The following DDHD1 variants were observed in gnomAD, a reference collection of about 807,000 sequenced individuals.
DDHD1 encodes the protein phospholipase DDHD1.
In DDHD1, 49 loss-of-function variants were observed where a neutral mutation model predicts 96.4. The observed-to-expected ratio is 0.51, with a 90% confidence interval of 0.40 to 0.64. The LOEUF (loss-of-function observed/expected upper bound fraction) is 0.64, where lower values mean the gene tolerates loss of function less well. Ranked by LOEUF, DDHD1 falls within the 30% of genes least tolerant of loss-of-function variation. The pLI is 0.00. For missense variants in DDHD1, 1,106 were observed against 1,161.2 expected (o/e 0.95, Z 0.69); for synonymous variants, 442 against 446.5 (o/e 0.99, Z 0.13).
At position 53,046,535 on chromosome 14, in the gene DDHD1, T is replaced by C. The variant is rs1882020230; in HGVS notation, c.*233A>G. 3.3e-6 allele frequency: 1 copy of C among 306,468 alleles called. No homozygotes were observed. Among genetic ancestry groups the C allele is most frequent in the Non-Finnish European group, 6.0e-6 (1 of 167,174 alleles). The allele number at this position is 306,468 out of a possible 1,614,324, so 19.0% of individuals were successfully genotyped here. ...TCTTCACATCCAGGTCTTGCTTGAT[T>C]CTCTGGAGAAGGTTTTGTCAGACTC... On this transcript the variant is annotated 3_prime_UTR_variant, in exon 13 of 13. Transcript: ENST00000673822.
intron 6 of DDHD1, among the ~76,000 whole-genome samples, chr14:53,069,492 T>C (rs1884330703): frequency 6.6e-6 from 1 of 152,198 alleles, no homozygotes; most frequent in Non-Finnish European, 1.5e-5. Context: ...GCATATCTGT[T>C]TAGACACAAT....
intron 1 of DDHD1, among the ~76,000 whole-genome samples, chr14:53,115,284 T>C (rs1473941077): frequency 6.6e-6 from 1 of 151,428 alleles, no homozygotes; most frequent in Non-Finnish European, 1.5e-5. Context: ...GAGAATGAAG[T>C]CAAGTTGGAA....
In DDHD1 at chr14:53,152,598, C is replaced by T. The variant is rs769368061; in HGVS notation, c.501G>A (p.Glu167=). The change falls in exon 1 of 13, where the codon GAG becomes GAA. Residue 167 remains glutamate, a synonymous_variant. Transcript: ENST00000673822. Reference sequence around the variant, plus strand: ...TGTCCTCCTTGTAGAACCAGCGTACCTCCTCCGGGCCCAGCTCCGTCACTA... The same window carrying T: ...TGTCCTCCTTGTAGAACCAGCGTACTTCCTCCGGGCCCAGCTCCGTCACTA... The part of the protein sequence containing the change: ...YEVVTELGPE[E]VRWFYKEDKK... The T allele has an allele frequency of 3.1e-6, 5 of 1,613,680 alleles. No individual in the cohort carries two copies. In the African/African-American group the frequency reaches 6.7e-5, roughly 22 times the overall value.
At chr14:53,090,890 T>C (rs1886377601) in intron 4 of DDHD1, among the ~76,000 whole-genome samples, 1 of 152,076 alleles carries the variant, frequency 6.6e-6, no homozygotes, top group Non-Finnish European at 1.5e-5. Context: ...AAAAGTTGAA[T>C]TGTATTTTAA....
chr14:53,149,576 C>A (rs924050875), intron 1 of DDHD1, among the ~76,000 whole-genome samples: 3 of 152,164 alleles, frequency 2.0e-5, no homozygotes, highest in Admixed American at 1.3e-4. Context: ...TGGCAAATTA[C>A]AGGATAGACA....
chr14:53,147,372 T>G (rs1490682719), intron 1 of DDHD1, among the ~76,000 whole-genome samples: 1 of 152,152 alleles, frequency 6.6e-6, no homozygotes, highest in Non-Finnish European at 1.5e-5. Context: ...CCAGAGGTGG[T>G]TGACAGGGGT....
At chr14:53,116,882 T>C (rs1363438783) in intron 1 of DDHD1, among the ~76,000 whole-genome samples, 6 of 151,820 alleles carry the variant, frequency 4.0e-5, no homozygotes, top group Non-Finnish European at 2.9e-5. Context: ...CTAAAGGAGA[T>C]AGAGGACACA....
intron 6 of DDHD1, 31 bp from the exon 7 acceptor site, chr14:53,063,236 A>G: frequency 6.2e-7 from 1 of 1,601,656 alleles, no homozygotes; most frequent in Non-Finnish European, 8.5e-7. Context: ...TTATCATATT[A>G]GACTTGTCAC....
At chr14:53,055,615 G>A in intron 10 of DDHD1, 45 bp downstream of exon 10, 1 of 1,584,804 alleles carries the variant, frequency 6.3e-7, no homozygotes. Context: ...TTATGTCTAG[G>A]AAAGTGCTTA....
chr14:53,129,011 C>T (rs1041274465), intron 1 of DDHD1, among the ~76,000 whole-genome samples: 1 of 152,224 alleles, frequency 6.6e-6, no homozygotes, highest in Non-Finnish European at 1.5e-5. Flanking sequence ...GTGAGATCCA[C>T]CCCTGGCCCA....
chr14:53,075,177 T>C (rs1017179645), intron 4 of DDHD1, among the ~76,000 whole-genome samples: 3 of 152,208 alleles, frequency 2.0e-5, no homozygotes, highest in South Asian at 2.1e-4. Context: ...CCAGAAATGA[T>C]TGAGCTTAGT....
At chr14:53,075,746 G>A (rs939562335) in intron 4 of DDHD1, among the ~76,000 whole-genome samples, 1 of 152,170 alleles carries the variant, frequency 6.6e-6, no homozygotes, top group African/African-American at 2.4e-5. Flanking sequence ...AAGAGCTAAT[G>A]CAGCTGGTAA....
chr14:53,149,502 G>C (rs1338941600), intron 1 of DDHD1, among the ~76,000 whole-genome samples: 2 of 152,162 alleles, frequency 1.3e-5, no homozygotes, highest in Non-Finnish European at 2.9e-5. Context: ...CTCCTAGAAA[G>C]TGTGAAAACT....
intron 2 of DDHD1, chr14:53,103,145 T>C: frequency 8.0e-7 from 1 of 1,254,962 alleles, no homozygotes; most frequent in Non-Finnish European, 1.1e-6. Context: ...TGTGGCAATC[T>C]TAGCTACTAT....
chr14:53,086,402 G>A (rs1057091560), intron 4 of DDHD1, among the ~76,000 whole-genome samples: 2 of 152,210 alleles, frequency 1.3e-5, no homozygotes, highest in African/African-American at 4.8e-5. Flanking sequence ...CAGCCAGAGA[G>A]AAAGGTCAGG....
Position 53,120,053 on chromosome 14 carries a change from T to C in DDHD1, c.839-16197A>G, listed in dbSNP as rs192639980. On this transcript the variant is annotated intron_variant, in intron 1 of 12. Coordinates refer to ENST00000673822, the MANE Select transcript of DDHD1 (RefSeq NM_001160148.2). Reference sequence around the variant, plus strand: ...ATGATTGTATATTTAGAAAACCCCATGGTCTCAGACTAAAAACTCTTTAAG... The same window carrying C: ...ATGATTGTATATTTAGAAAACCCCACGGTCTCAGACTAAAAACTCTTTAAG... Among the ~76,000 whole-genome samples the C allele has an allele frequency of 4.0e-3, 603 of 152,304 alleles. 6 individuals are homozygous for C. The highest frequency in any genetic ancestry group is 4.8e-3 in the Admixed American group (74 of 15,300).
chr14:53,087,509 A>C (rs1166421228), intron 4 of DDHD1, among the ~76,000 whole-genome samples: 1 of 152,142 alleles, frequency 6.6e-6, no homozygotes, highest in Non-Finnish European at 1.5e-5. Flanking sequence ...TAAGAAACTC[A>C]CTCAAAACCA....
chr14:53,149,745 CT>C (rs951777151), intron 1 of DDHD1: 1 of 152,162 alleles, frequency 6.6e-6, no homozygotes, highest in African/African-American at 2.4e-5. Flanking sequence ...TGGCTATTTG[CT>C]TTAGGAAAGA....
intron 4 of DDHD1, among the ~76,000 whole-genome samples, chr14:53,078,969 T>G (rs1226383378): frequency 3.3e-5 from 5 of 151,206 alleles, no homozygotes; most frequent in Admixed American, 2.0e-4. Flanking sequence ...ACATGATGTG[T>G]TTTTTTTTCC....
Sources: gnomAD v4.1 joint callset for allele counts (sites outside exome capture counted in the v4.1 genomes callset) on GRCh38, gnomAD v4.1.1 for gene constraint, MANE v1.5 for transcripts, NCBI Gene and HGNC (gene_info 2026-07-23, HGNC 2026-07-21) for gene names.